Variants in SCN10A observed in about 807,000 individuals in gnomAD.
The protein encoded by SCN10A is sodium voltage-gated channel alpha subunit 10.
In SCN10A, 162 loss-of-function variants were observed where a neutral mutation model predicts 170.7. That is an observed-to-expected ratio of 0.95 (90% CI 0.84 to 1.08). SCN10A has a LOEUF of 1.08. Among genes scored for constraint, SCN10A ranks in the 50% least tolerant of loss-of-function variants. The pLI is 0.00. For missense variants in SCN10A, 2,527 were observed against 2,436.9 expected (o/e 1.04, Z -0.78); for synonymous variants, 985 against 904.6 (o/e 1.09, Z -1.59).
chr3:38,782,341 T>G (rs2064148027), intron 4 of SCN10A, among the ~76,000 whole-genome samples: 1 of 152,074 alleles, frequency 6.6e-6, no homozygotes, highest in African/African-American at 2.4e-5. Context: ...ATTCTCATTT[T>G]TATCCCCCTC....
In SCN10A at chr3:38,750,917, C is replaced by G. The variant is rs571650383; in HGVS notation, c.1756-733G>C. Among the ~76,000 whole-genome samples, 4 of 152,320 alleles carry G rather than the reference C, an allele frequency of 2.6e-5. No homozygotes were observed. The East Asian group carries it at 7.7e-4, about 29-fold the overall frequency. On this transcript the variant is annotated intron_variant, in intron 12 of 27. Coordinates refer to ENST00000449082, the MANE Select transcript of SCN10A (RefSeq NM_006514.4). ...TTCTAGAGTGCTAATGCACTCCCAGCGAGCCCTGCAGGATGCCTTTGACTT... is the reference window on the plus strand; with the variant it reads ...TTCTAGAGTGCTAATGCACTCCCAGGGAGCCCTGCAGGATGCCTTTGACTT...
At chr3:38,792,266 G>A (rs1209506599) in intron 2 of SCN10A, 98 bp from the exon 3 acceptor site, 1 of 1,456,888 alleles carries the variant, frequency 6.9e-7, no homozygotes, top group Non-Finnish European at 9.3e-7. Flanking sequence ...TCAGGCTTAT[G>A]AGCAAGAAGG....
chr3:38,774,497 T>A (rs959294873), intron 4 of SCN10A, among the ~76,000 whole-genome samples: 4 of 152,182 alleles, frequency 2.6e-5, no homozygotes, highest in Admixed American at 6.5e-5. Flanking sequence ...ATAAGCCCAA[T>A]GTGTTATTTC....
chr3:38,813,938 A>G (rs959024178), intron 1 of SCN10A, among the ~76,000 whole-genome samples: 2 of 152,218 alleles, frequency 1.3e-5, no homozygotes, highest in African/African-American at 4.8e-5. Context: ...ATTTTTATTC[A>G]GTAAGCACTT....
At chr3:38,784,554 T>C (rs900961969) in intron 4 of SCN10A, among the ~76,000 whole-genome samples, 4 of 152,050 alleles carry the variant, frequency 2.6e-5, no homozygotes, top group African/African-American at 7.2e-5. Context: ...TGGAAGCATT[T>C]CCTTTGAAAA....
intron 21 of SCN10A, among the ~76,000 whole-genome samples, chr3:38,717,999 T>C (rs1575947407): frequency 1.3e-5 from 2 of 152,280 alleles, no homozygotes; most frequent in South Asian, 2.1e-4. Context: ...TTACCATGAG[T>C]GTGAACACAT....
intron 15 of SCN10A, among the ~76,000 whole-genome samples, chr3:38,735,272 T>C (rs908926886): frequency 6.6e-5 from 10 of 151,952 alleles, no homozygotes; most frequent in Non-Finnish European, 1.2e-4. Context: ...TATAGATAAA[T>C]TATTAGAATT....
In SCN10A at chr3:38,746,063, GTATATATATATATATATATATATA is replaced by G. The variant is rs1553619550; in HGVS notation, c.1868-3558_1868-3535del. ...TACATATATATATGTGTGTGTATGT[GTATATATATATATATATATATATA>G]TATATATATATATGCCATCTTTGTC... On this transcript the variant is annotated intron_variant, in intron 13 of 27. Transcript: ENST00000449082. Among the ~76,000 whole-genome samples, 41 of 61,672 alleles carry G rather than the reference GTATATATATATATATATATATATA, an allele frequency of 6.6e-4. 4 individuals are homozygous for G. In the South Asian group the frequency reaches 0.022, roughly 33 times the overall value. The allele number at this position is 61,672 out of a possible 152,430, so 40.5% of individuals were successfully genotyped here.
intron 2 of SCN10A, 65 bp downstream of exon 2, chr3:38,793,676 G>T: frequency 6.4e-7 from 1 of 1,550,492 alleles, no homozygotes; most frequent in Non-Finnish European, 8.7e-7. Flanking sequence ...GACTTTCTGG[G>T]CTGGGTGGGA....
intron 15 of SCN10A, among the ~76,000 whole-genome samples, chr3:38,737,797 C>T (rs549767442): frequency 8.4e-3 from 258 of 30,680 alleles, no homozygotes; most frequent in African/African-American, 0.036. Context: ...TCCCTCCCTT[C>T]CTCTTTCTTT....
At position 38,741,197 on chromosome 3, in the gene SCN10A, AGGTCACCTCCAGCTT is replaced by A. The variant is rs1160538761; in HGVS notation, c.2106+1079_2106+1093del. Reference sequence around the variant, plus strand: ...GCCAGACAGTTCTGGTGAATCCAGTAGGTCACCTCCAGCTTGGTGGACCCTGCTGCGGACATGAAG... The same window carrying A: ...GCCAGACAGTTCTGGTGAATCCAGTAGGTGGACCCTGCTGCGGACATGAAG... On this transcript the variant is annotated intron_variant, in intron 14 of 27. Coordinates refer to ENST00000449082, the MANE Select transcript of SCN10A (RefSeq NM_006514.4). Among the ~76,000 whole-genome samples, 3 of 152,096 alleles carry A rather than the reference AGGTCACCTCCAGCTT, an allele frequency of 2.0e-5. No homozygotes were observed. The East Asian group carries it at 5.8e-4, about 29-fold the overall frequency.
intron 19 of SCN10A, 57 bp downstream of exon 19, chr3:38,723,373 A>G: frequency 3.7e-6 from 6 of 1,602,152 alleles, no homozygotes; most frequent in South Asian, 2.2e-5. Context: ...TGTTCGCTCA[A>G]CTGGATTCTG....
At chr3:38,773,944 C>T (rs759403389) in intron 4 of SCN10A, among the ~76,000 whole-genome samples, 1 of 151,778 alleles carries the variant, frequency 6.6e-6, no homozygotes, top group East Asian at 1.9e-4. Flanking sequence ...TATCAGAAGA[C>T]ACAGGTAAAA....
chr3:38,775,299 G>A (rs755469501), intron 4 of SCN10A, among the ~76,000 whole-genome samples: 3 of 152,022 alleles, frequency 2.0e-5, no homozygotes, highest in Non-Finnish European at 2.9e-5. Context: ...GAATTTGCCT[G>A]TTCTAGGTAC....
intron 4 of SCN10A, among the ~76,000 whole-genome samples, chr3:38,785,609 G>A (rs1174520433): frequency 2.0e-5 from 3 of 152,052 alleles, no homozygotes; most frequent in Non-Finnish European, 2.9e-5. Flanking sequence ...AAGCAATGGT[G>A]ACAAAAGCCA....
intron 15 of SCN10A, among the ~76,000 whole-genome samples, chr3:38,730,651 TA>T (rs76535930): frequency 0.09 from 13,700 of 151,958 alleles, 1,083 homozygotes; most frequent in African/African-American, 0.2. Flanking sequence ...GTGCAGAGAA[TA>T]AAAAAACTAT....
intron 21 of SCN10A, among the ~76,000 whole-genome samples, chr3:38,715,074 C>T (rs1263525049): frequency 6.6e-6 from 1 of 152,176 alleles, no homozygotes; most frequent in Admixed American, 6.5e-5. Flanking sequence ...GGACAAAGAA[C>T]CGGAATGGAA....
At chr3:38,725,459 G>C in intron 17 of SCN10A, 145 bp from the exon 18 acceptor site, 2 of 581,780 alleles carry the variant, frequency 3.4e-6, no homozygotes, top group Middle Eastern at 2.9e-4. Flanking sequence ...ACATACACGT[G>C]TGTGAAGTGA....
At chr3:38,782,749 G>C (rs2064153833) in intron 4 of SCN10A, among the ~76,000 whole-genome samples, 1 of 151,858 alleles carries the variant, frequency 6.6e-6, no homozygotes, top group Non-Finnish European at 1.5e-5. Context: ...TATTTTCAGT[G>C]TTCTGCATTT....
Sources: allele counts gnomAD v4.1 joint callset (sites outside exome capture counted in the v4.1 genomes callset), GRCh38; gene constraint gnomAD v4.1.1; transcripts MANE v1.5; gene names NCBI Gene and HGNC (gene_info 2026-07-23, HGNC 2026-07-21).